The following HLCS variants were observed in gnomAD, a reference collection of about 807,000 sequenced individuals.
The protein encoded by HLCS is holocarboxylase synthetase, also known as biotin--protein ligase.
Under a neutral mutation model 75.0 loss-of-function variants are expected in HLCS, and 53 were observed. That is an observed-to-expected ratio of 0.71 (90% CI 0.57 to 0.89). HLCS has a LOEUF of 0.89. Among genes scored for constraint, HLCS ranks in the 40% least tolerant of loss-of-function variants. The pLI, the probability that HLCS is intolerant of heterozygous loss-of-function variation, is 0.00. For missense variants in HLCS, 966 were observed against 1,074.0 expected, an observed-to-expected ratio of 0.90 and a Z score of 1.41; for synonymous variants, 431 against 428.6, an observed-to-expected ratio of 1.01 and a Z score of -0.07.
intron 5 of HLCS, among the ~76,000 whole-genome samples, chr21:36,923,185 C>T (rs1438977891): frequency 6.6e-6 from 1 of 152,164 alleles, no homozygotes; most frequent in Non-Finnish European, 1.5e-5. Flanking sequence ...CAAAAATCCG[C>T]GTGTGAGAAT....
At chr21:36,781,625 T>TC (rs1434894170) in intron 6 of HLCS, among the ~76,000 whole-genome samples, 2 of 152,326 alleles carry the variant, frequency 1.3e-5, no homozygotes, top group East Asian at 3.9e-4. Context: ...AGTTAGAGAA[T>TC]CACTGATTCT....
chr21:36,966,310 GGGCCGCACA>G (rs981947278), intron 1 of HLCS, 125 bp downstream of exon 1: 48 of 281,200 alleles, frequency 1.7e-4, no homozygotes, highest in Non-Finnish European at 2.0e-4. Flanking sequence ...AGCCCCTCCC[GGGCCGCACA>G]GGCCGCACTG....
intron 1 of HLCS, among the ~76,000 whole-genome samples, chr21:36,975,803 C>T (rs538777816): frequency 6.6e-6 from 1 of 152,166 alleles, no homozygotes; most frequent in East Asian, 1.9e-4. Flanking sequence ...TTCCATTGGA[C>T]CCACCTAACC....
At chr21:36,819,178 G>C (rs1475483144) in intron 6 of HLCS, among the ~76,000 whole-genome samples, 1 of 152,182 alleles carries the variant, frequency 6.6e-6, no homozygotes, top group African/African-American at 2.4e-5. Flanking sequence ...ATTAAAGAGA[G>C]AATAAGTAGA....
chr21:36,884,943 G>A (rs1455638837), intron 6 of HLCS, among the ~76,000 whole-genome samples: 1 of 152,108 alleles, frequency 6.6e-6, no homozygotes, highest in Non-Finnish European at 1.5e-5. Context: ...TCAAACCACT[G>A]CAGATTTGGC....
chr21:36,769,539 C>G (rs2090157041), intron 6 of HLCS, among the ~76,000 whole-genome samples: 1 of 152,172 alleles, frequency 6.6e-6, no homozygotes, highest in Non-Finnish European at 1.5e-5. Context: ...TACCTCCCTG[C>G]TTCTGTATAT....
In HLCS at chr21:36,898,377, C is replaced by T. The variant is rs146465328; in HGVS notation, c.1621-1246G>A. ...AGGAGAATCGCTTGAACCTGGGAGGCAGAGGCTGCAGTGAGCCAAGATCAC... is the reference window on the plus strand; with the variant it reads ...AGGAGAATCGCTTGAACCTGGGAGGTAGAGGCTGCAGTGAGCCAAGATCAC... On this transcript the variant is annotated intron_variant, in intron 5 of 10. Coordinates refer to ENST00000674895, the MANE Select transcript of HLCS (RefSeq NM_001352514.2). Among the ~76,000 whole-genome samples, 731 of 137,880 alleles carry T rather than the reference C, an allele frequency of 5.3e-3. 8 individuals are homozygous for T. The highest frequency in any genetic ancestry group is 0.019 in the African/African-American group (660 of 35,256). 90.5% of individuals were successfully genotyped at this position (137,880 alleles called of 152,430 possible). A position where few individuals can be genotyped will look rare whatever the true frequency, so the allele number is the denominator to read the frequency against.
intron 6 of HLCS, among the ~76,000 whole-genome samples, chr21:36,777,629 T>C (rs1179414328): frequency 6.6e-6 from 1 of 152,262 alleles, no homozygotes; most frequent in African/African-American, 2.4e-5. Flanking sequence ...GATCCAGACA[T>C]TTTTGGAAGA....
At chr21:36,830,031 A>C (rs986825221) in intron 6 of HLCS, among the ~76,000 whole-genome samples, 1 of 152,236 alleles carries the variant, frequency 6.6e-6, no homozygotes, top group African/African-American at 2.4e-5. Flanking sequence ...GATTAAGTTA[A>C]CATGAGGTAA....
chr21:36,975,643 C>G (rs1264505197), intron 1 of HLCS, among the ~76,000 whole-genome samples: 1 of 152,116 alleles, frequency 6.6e-6, no homozygotes, highest in Non-Finnish European at 1.5e-5. Context: ...CATGGTGGCA[C>G]GTGCCTATAG....
At chr21:36,952,340 C>T (rs2067704706) in intron 2 of HLCS, among the ~76,000 whole-genome samples, 3 of 152,068 alleles carry the variant, frequency 2.0e-5, no homozygotes, top group African/African-American at 7.2e-5. Context: ...AAATGGAGCT[C>T]GGGGTAACAG....
chr21:36,868,359 A>G (rs530681988), intron 6 of HLCS, among the ~76,000 whole-genome samples: 8 of 152,102 alleles, frequency 5.3e-5, no homozygotes, highest in Non-Finnish European at 8.8e-5. Context: ...AAGCAGATCA[A>G]TCTCCTGACA....
At chr21:36,821,288 T>C (rs1325064450) in intron 6 of HLCS, among the ~76,000 whole-genome samples, 1 of 152,164 alleles carries the variant, frequency 6.6e-6, no homozygotes, top group Non-Finnish European at 1.5e-5. Flanking sequence ...ATCTCCCTGC[T>C]CTTCCCCTCT....
At chr21:36,883,694 T>C (rs559936008) in intron 6 of HLCS, among the ~76,000 whole-genome samples, 2 of 152,262 alleles carry the variant, frequency 1.3e-5, no homozygotes, top group African/African-American at 4.8e-5. Context: ...CTGTCTTCCT[T>C]GGTAGCTGAA....
rs13048613 is a variant in HLCS at position 36,947,707 on chromosome 21, T to G, written c.331-8713A>C. ...GGCAGCAGGCAAGGCATATCTTCTC[T>G]GCTCAACTTAAAACTCACATCCAAG... On this transcript the variant is annotated intron_variant, in intron 2 of 10. Transcript: ENST00000674895. 0.55 allele frequency: 537,757 copies of G among 984,530 alleles called. 149,436 individuals carry two copies. Among genetic ancestry groups the G allele is most frequent in the East Asian group, 0.64 (5,610 of 8,736 alleles). 61.0% of individuals were successfully genotyped at this position (984,530 alleles called of 1,614,324 possible).
chr21:36,758,116 A>AT (rs36094571), intron 9 of HLCS, among the ~76,000 whole-genome samples: 1 of 151,844 alleles, frequency 6.6e-6, no homozygotes, highest in African/African-American at 2.4e-5. Flanking sequence ...TTATTTATTT[A>AT]TTTTTTGGAG....
chr21:36,973,436 G>A (rs1331574828), intron 1 of HLCS, among the ~76,000 whole-genome samples: 2 of 151,894 alleles, frequency 1.3e-5, no homozygotes, highest in African/African-American at 2.4e-5. Context: ...ATATGAAAAA[G>A]TATGCAGTCT....
chr21:36,915,363 G>A (rs1166958877), intron 5 of HLCS, among the ~76,000 whole-genome samples: 1 of 152,180 alleles, frequency 6.6e-6, no homozygotes, highest in Admixed American at 6.5e-5. Flanking sequence ...ATGTTACCTG[G>A]AAAGAGAGAA....
At chr21:36,815,309 G>A (rs1377188654) in intron 6 of HLCS, among the ~76,000 whole-genome samples, 1 of 149,352 alleles carries the variant, frequency 6.7e-6, no homozygotes, top group Admixed American at 6.7e-5. Flanking sequence ...GATTGCAGGC[G>A]TGAGCCACTG....
Sources: allele counts gnomAD v4.1 joint callset (sites outside exome capture counted in the v4.1 genomes callset), GRCh38; gene constraint gnomAD v4.1.1; transcripts MANE v1.5; gene names NCBI Gene and HGNC (gene_info 2026-07-23, HGNC 2026-07-21).